Variants in CCDC3 observed in about 807,000 individuals in gnomAD.
CCDC3 encodes coiled-coil domain-containing protein 3.
CCDC3 carries 24 observed loss-of-function variants against 21.4 expected under a neutral mutation model. The observed-to-expected ratio is 1.12, with a 90% CI of 0.81 to 1.58. The LOEUF is 1.58. Among genes scored for constraint, CCDC3 ranks in the 40% most tolerant of loss-of-function variants. The probability of loss-of-function intolerance (pLI) is 0.00; values close to 1 mark genes in which losing one functional copy is unlikely to be tolerated. For synonymous variants in CCDC3, 186 were observed against 166.0 expected, an observed-to-expected ratio of 1.12 and a Z score of -0.93; for missense variants, 425 against 360.9, an observed-to-expected ratio of 1.18 and a Z score of -1.44.
At chr10:13,090,918 AG>A (rs1295879544) in intron 3 of CCDC3, among the ~76,000 whole-genome samples, 1 of 152,230 alleles carries the variant, frequency 6.6e-6, no homozygotes, top group East Asian at 1.9e-4. Flanking sequence ...CCTCAAAAGT[AG>A]GGAAGCTGAC....
intron 4 of CCDC3, among the ~76,000 whole-genome samples, chr10:13,054,154 C>CAAAAAAAAAAA (rs71386143): frequency 1.2e-4 from 12 of 99,914 alleles, no homozygotes; most frequent in Admixed American, 2.3e-4. Flanking sequence ...GACTCTGTAT[C>CAAAAAAAAAAA]AAAAAAAAAA....
intron 3 of CCDC3, among the ~76,000 whole-genome samples, chr10:13,093,549 T>C (rs1216144837): frequency 6.6e-6 from 1 of 152,108 alleles, no homozygotes; most frequent in Non-Finnish European, 1.5e-5. Context: ...TAAAATTGTA[T>C]ACCAAATATA....
intron 2 of CCDC3, among the ~76,000 whole-genome samples, chr10:12,948,726 C>T (rs1162137474): frequency 1.6e-5 from 1 of 63,368 alleles, no homozygotes; most frequent in African/African-American, 6.5e-5. Context: ...ATTTTTAAGG[C>T]AGTTTTTTTT....
At chr10:13,096,678 G>A (rs1018697997) in intron 3 of CCDC3, among the ~76,000 whole-genome samples, 1 of 152,128 alleles carries the variant, frequency 6.6e-6, no homozygotes, top group Non-Finnish European at 1.5e-5. Flanking sequence ...TTCTTCTAGG[G>A]AACAGTCTCT....
intron 5 of CCDC3, among the ~76,000 whole-genome samples, chr10:13,017,062 G>A (rs1193173676): frequency 2.0e-5 from 3 of 152,020 alleles, no homozygotes; most frequent in Admixed American, 6.6e-5. Flanking sequence ...GTACAAATGT[G>A]TTACTCTTTG....
chr10:12,995,835 C>T (rs1450875102), intron 2 of CCDC3, among the ~76,000 whole-genome samples: 1 of 152,198 alleles, frequency 6.6e-6, no homozygotes, highest in African/African-American at 2.4e-5. Flanking sequence ...AATAGATCTG[C>T]CTTCAGGCTG....
At chr10:12,963,668 T>TCTCCCGG (rs1835214211) in intron 2 of CCDC3, among the ~76,000 whole-genome samples, 1 of 150,140 alleles carries the variant, frequency 6.7e-6, no homozygotes, top group South Asian at 2.2e-4. Context: ...GCAACCTCCT[T>TCTCCCGG]CTCCCGGATT....
chr10:12,992,763 C>T lies in CCDC3; in HGVS notation c.549+5575G>A, dbSNP rs11258112. Among the ~76,000 whole-genome samples the T allele has an allele frequency of 3.2e-3, 493 of 152,128 alleles. 15 individuals are homozygous for T. In the South Asian group the frequency reaches 0.043, roughly 13 times the overall value. ...AGAAATTACCACTGAAGAATTGATT[C>T]GTGCAACCAAACACCACCTGTTCCC... On this transcript the variant is annotated intron_variant, in intron 2 of 2. Transcript: ENST00000378825.
intron 2 of CCDC3, among the ~76,000 whole-genome samples, chr10:12,983,026 G>A (rs1835525741): frequency 6.7e-6 from 1 of 149,674 alleles, no homozygotes; most frequent in Non-Finnish European, 1.5e-5. Context: ...GCACAAGAAT[G>A]GCTTAAACCC....
chr10:12,948,934 TG>T (rs1459518233), intron 2 of CCDC3, among the ~76,000 whole-genome samples: 1 of 151,888 alleles, frequency 6.6e-6, no homozygotes, highest in Non-Finnish European at 1.5e-5. Flanking sequence ...GGTTTTACCG[TG>T]TTAGCCAGGA....
intron 5 of CCDC3, among the ~76,000 whole-genome samples, chr10:13,021,829 T>C (rs1307979241): frequency 6.6e-6 from 1 of 152,072 alleles, no homozygotes; most frequent in East Asian, 1.9e-4. Flanking sequence ...AGTGGCACGG[T>C]CTCAGTTCAC....
chr10:13,069,113 G>T (rs1293358542), intron 4 of CCDC3, among the ~76,000 whole-genome samples: 1 of 152,206 alleles, frequency 6.6e-6, no homozygotes, highest in African/African-American at 2.4e-5. Flanking sequence ...AAATTAGCTG[G>T]GCGTGGTGGC....
intron 5 of CCDC3, among the ~76,000 whole-genome samples, chr10:13,048,444 G>A (rs1489769488): frequency 3.3e-5 from 5 of 151,958 alleles, no homozygotes; most frequent in East Asian, 1.9e-4. Context: ...TGCCCACCTC[G>A]GCCTCCCAAA....
intron 5 of CCDC3, among the ~76,000 whole-genome samples, chr10:13,038,638 C>T (rs746895832): frequency 2.0e-4 from 30 of 152,310 alleles, no homozygotes; most frequent in Non-Finnish European, 2.6e-4. Flanking sequence ...TGCTCCAAGC[C>T]CTGGCTTCTG....
chr10:13,059,887 G>A (rs184520337), intron 4 of CCDC3, among the ~76,000 whole-genome samples: 14 of 152,170 alleles, frequency 9.2e-5, no homozygotes, highest in Non-Finnish European at 4.4e-5. Flanking sequence ...CAGGAGATGA[G>A]ACCATCCTGG....
chr10:13,007,421 C>T (rs564355188), intron 5 of CCDC3, among the ~76,000 whole-genome samples: 6 of 152,274 alleles, frequency 3.9e-5, no homozygotes, highest in Admixed American at 6.5e-5. Context: ...CTCTCAAACG[C>T]ATCAAAACAA....
intron 2 of CCDC3, among the ~76,000 whole-genome samples, chr10:12,956,454 C>A (rs1289696427): frequency 6.6e-6 from 1 of 152,236 alleles, no homozygotes; most frequent in Non-Finnish European, 1.5e-5. Context: ...CTGCTCCCTT[C>A]TTCCTACCCA....
At chr10:12,991,967 G>A (rs1835688683) in intron 2 of CCDC3, among the ~76,000 whole-genome samples, 1 of 151,614 alleles carries the variant, frequency 6.6e-6, no homozygotes, top group South Asian at 2.1e-4. Flanking sequence ...CATATGGAAA[G>A]ATCTCCCAGA....
chr10:13,053,621 G>T (rs1836641104), intron 4 of CCDC3, among the ~76,000 whole-genome samples: 1 of 152,172 alleles, frequency 6.6e-6, no homozygotes, highest in African/African-American at 2.4e-5. Flanking sequence ...AAAACCAGAG[G>T]TGATACAAAA....
Sources: gnomAD v4.1 joint callset for allele counts (sites outside exome capture counted in the v4.1 genomes callset) on GRCh38, gnomAD v4.1.1 for gene constraint, MANE v1.5 for transcripts, NCBI Gene and HGNC (gene_info 2026-07-23, HGNC 2026-07-21) for gene names.